The following LCN2 variants were observed in gnomAD, a reference collection of about 807,000 sequenced individuals.
LCN2 encodes the protein lipocalin 2.
In LCN2, 27 loss-of-function variants were observed where a neutral mutation model predicts 26.4. The ratio of observed to expected loss-of-function variants is 1.02; its 90% CI spans 0.76 to 1.41. LCN2 has a LOEUF of 1.41. Among genes scored for constraint, LCN2 ranks in the 40% most tolerant of loss-of-function variants. The pLI, the probability that LCN2 is intolerant of heterozygous loss-of-function variation, is 0.00. For missense variants in LCN2, 224 were observed against 237.6 expected, an observed-to-expected ratio of 0.94 and a Z score of 0.38; for synonymous variants, 94 against 98.9, an observed-to-expected ratio of 0.95 and a Z score of 0.30.
chr9:128,149,635 C>G lies in LCN2; in HGVS notation c.110C>G (p.Pro37Arg), dbSNP rs771433482. 2.5e-6 allele frequency: 4 copies of G among 1,613,880 alleles called. No homozygotes were observed. Among genetic ancestry groups the G allele is most frequent in the Non-Finnish European group, 3.4e-6 (4 of 1,179,974 alleles). The change falls in exon 1 of 7, where the codon CCT becomes CGT. Residue 37 changes from proline (P) to arginine (R), a missense_variant. By Grantham distance (103) the Pro-to-Arg change is moderately radical (BLOSUM62 -2). Transcript: ENST00000277480. ...CCAGCCCCACCTCTGAGCAAGGTCC[C>G]TCTGCAGCAGAACTTCCAGGACAAC... ...LIPAPPLSKVPLQQNFQDNQF... is the reference protein window; with the variant it reads ...LIPAPPLSKVRLQQNFQDNQF...
chr9:128,151,774 C>T, intron 3 of LCN2, 57 bp downstream of exon 3: 1 of 1,589,876 alleles, frequency 6.3e-7, no homozygotes, highest in Non-Finnish European at 8.6e-7. Flanking sequence ...TGGGTAGGGG[C>T]ACAGACCTTC....
At chr9:128,151,882 A>T (rs752177802) in intron 3 of LCN2, 24 bp from the exon 4 acceptor site, 1 of 1,613,614 alleles carries the variant, frequency 6.2e-7, no homozygotes, top group Non-Finnish European at 8.5e-7. Context: ...GGCAGGGCTG[A>T]CCCCTCACCG....
chr9:128,151,851 C>A, intron 3 of LCN2, 55 bp from the exon 4 acceptor site: 2 of 1,609,062 alleles, frequency 1.2e-6, no homozygotes, highest in Non-Finnish European at 1.7e-6. Context: ...AGGGAGGGGA[C>A]AGCTCCCTCC....
Position 128,152,266 on chromosome 9 carries a change from G to A in LCN2, c.559G>A (p.Val187Ile), listed in dbSNP as rs149368200. 2.4e-5 allele frequency: 38 copies of A among 1,613,960 alleles called. No individual in the cohort carries two copies. The East Asian group carries it at 3.8e-4, about 16-fold the overall frequency. The change falls in exon 5 of 7, where the codon GTC (valine) becomes ATC (isoleucine). Residue 187 changes from valine to isoleucine, a missense_variant. Val to Ile is a conservative substitution (Grantham distance 29). Transcript: ENST00000277480. ...TCTGGGCCTCCCTGAAAACCACATC[G>A]TCTTCCCTGTCCCAATCGGTAATGG... The part of the protein sequence containing the change: ...KSLGLPENHI[V>I]FPVPIDQCID...
chr9:128,151,518 C>A (rs947010937), intron 2 of LCN2, 120 bp from the exon 3 acceptor site: 5 of 772,646 alleles, frequency 6.5e-6, no homozygotes, highest in Non-Finnish European at 1.1e-5. Flanking sequence ...TGAGCTGTCA[C>A]GGGTTGGGCC....
rs773532605 is a variant in LCN2, at chr9:128,151,910, C to T, written c.360C>T (p.Tyr120=). ...GEFTLGNIKS[Y]PGLTSYLVRV... ...CCTCACCGTCCACGCCTGCAGGTTA[C>T]CCTGGATTAACGAGTTACCTCGTCC... is the stretch of plus-strand genomic sequence containing the variant. The change falls in exon 4 of 7, where the codon TAC becomes TAT. Residue 120 remains tyrosine, a synonymous_variant. Transcript: ENST00000277480. 7 of 1,614,096 alleles carry T rather than the reference C, an allele frequency of 4.3e-6. No homozygotes were observed. The South Asian group carries it at 5.5e-5, about 13-fold the overall frequency.
chr9:128,150,602 G>A (rs1424266621), intron 2 of LCN2: 2 of 687,626 alleles, frequency 2.9e-6, no homozygotes, highest in Admixed American at 2.0e-5. Flanking sequence ...ACGGAGAGAG[G>A]AGGGGTGCCT....
chr9:128,152,040 A>G lies in LCN2; in HGVS notation c.475+15A>G, dbSNP rs753678446. 1.8e-5 allele frequency: 29 copies of G among 1,613,896 alleles called. No homozygotes were observed. The East Asian group carries it at 4.2e-4, about 24-fold the overall frequency. On this transcript the variant is annotated intron_variant, in intron 4 of 6. Transcript: ENST00000277480. ...CACCCTCTACGGTGGGTCCTCTCCC[A>G]TCCCCTCGGGGACTGGCTCCTGATC...
At chr9:128,151,775 A>G (rs1021326745) in intron 3 of LCN2, 58 bp downstream of exon 3, 59 of 1,592,292 alleles carry the variant, frequency 3.7e-5, no homozygotes, top group Non-Finnish European at 5.0e-5. Context: ...GGGTAGGGGC[A>G]CAGACCTTCC....
In LCN2 at chr9:128,152,190, C is replaced by A. The variant is rs757442560; in HGVS notation, c.483C>A (p.Thr161=). ...TGGCCATCTTGGTCACAGGGAGAAC[C>A]AAGGAGCTGACTTCGGAACTAAAGG... ...EYFKITLYGR[T]KELTSELKEN... Residue 161 remains threonine, a synonymous_variant, in exon 5 of 7, where the codon ACC becomes ACA. Transcript: ENST00000277480. 6.2e-7 allele frequency: 1 copy of A among 1,614,110 alleles called. No individual in the cohort carries two copies. Among genetic ancestry groups the A allele is most frequent in the African/African-American group, 1.3e-5 (1 of 75,032 alleles).
Position 128,153,345 on chromosome 9 carries a change from T to G in LCN2, c.*42T>G, listed in dbSNP as rs761627411. The G allele has an allele frequency of 6.6e-6, 4 of 606,352 alleles. No individual in the cohort carries two copies. The highest frequency in any genetic ancestry group is 5.6e-5 in the South Asian group (3 of 53,478). 37.6% of individuals were successfully genotyped at this position (606,352 alleles called of 1,614,324 possible). A position where few individuals can be genotyped will look rare whatever the true frequency, so the allele number is the denominator to read the frequency against. On this transcript the variant is annotated 3_prime_UTR_variant, in exon 7 of 7. Coordinates refer to ENST00000277480, the MANE Select transcript of LCN2 (RefSeq NM_005564.5). The surrounding 1 kb of genome is among the most constrained non-coding windows in gnomAD (Gnocchi z 5.4). ...AGCTGCCGCACCAGCCCGAACACCA[T>G]TGAGGGAGCTGGGAGACCCTCCCCA...
rs779497364 is a variant in LCN2 at position 128,150,374 on chromosome 9, G to A, written c.275G>A (p.Arg92Lys). Reference sequence around the variant, plus strand: ...TACAATGTCACCTCCGTCCTGTTTAGGTGAGGGCCGACATCTCCTGGGGGT... The same window carrying A: ...TACAATGTCACCTCCGTCCTGTTTAAGTGAGGGCCGACATCTCCTGGGGGT... ...KSYNVTSVLF[R>K]KKKCDYWIRT... is the part of the protein sequence containing the mutation. Residue 92 changes from arginine to lysine, a missense_variant and splice_region_variant, in exon 2 of 7, where the codon AGG (arginine) becomes AAG (lysine). By Grantham distance (26) the Arg-to-Lys change is conservative. Transcript: ENST00000277480. 6.2e-7 allele frequency: 1 copy of A among 1,614,216 alleles called. No individual in the cohort carries two copies. The highest frequency in any genetic ancestry group is 1.1e-5 in the South Asian group (1 of 91,090).
chr9:128,153,030 T>TCACA lies in LCN2; in HGVS notation c.578-60_578-57dup, dbSNP rs370651506. On this transcript the variant is annotated intron_variant, in intron 5 of 6. Transcript: ENST00000277480. The surrounding 1 kb of genome is among the most constrained non-coding windows in gnomAD (Gnocchi z 5.4). ...GTGCAGAGGACCTGGCAGTCAGGGA[T>TCACA]CACACACACACACTCATACACGCAC... 6.3e-7 allele frequency: 1 copy of TCACA among 1,592,666 alleles called. No homozygotes were observed. Among genetic ancestry groups the TCACA allele is most frequent in the African/African-American group, 1.3e-5 (1 of 74,086 alleles).
In LCN2 at chr9:128,152,217, G is replaced by T; in HGVS notation, c.510G>T (p.Glu170Asp). Residue 170 changes from glutamate to aspartate, a missense_variant, in exon 5 of 7, where the codon GAG (glutamate) becomes GAT (aspartate). Coordinates refer to ENST00000277480, the MANE Select transcript of LCN2 (RefSeq NM_005564.5). ...RTKELTSELKENFIRFSKSLG... is the reference protein window; with the variant it reads ...RTKELTSELKDNFIRFSKSLG... ...AGGAGCTGACTTCGGAACTAAAGGA[G>T]AACTTCATCCGCTTCTCCAAATCTC... 1 of 1,614,112 alleles carries T rather than the reference G, an allele frequency of 6.2e-7. No homozygotes were observed.
At position 128,150,369 on chromosome 9, in the gene LCN2, G is replaced by A. The variant is rs1834994362; in HGVS notation, c.270G>A (p.Leu90=). The part of the protein sequence containing the change: ...EDKSYNVTSV[L]FRKKKCDYWI... Reference sequence around the variant, plus strand: ...AGAGCTACAATGTCACCTCCGTCCTGTTTAGGTGAGGGCCGACATCTCCTG... The same window carrying A: ...AGAGCTACAATGTCACCTCCGTCCTATTTAGGTGAGGGCCGACATCTCCTG... The change falls in exon 2 of 7, where the codon CTG becomes CTA. Residue 90 remains leucine (L), a synonymous_variant. Transcript: ENST00000277480. 12 of 1,614,094 alleles carry A rather than the reference G, an allele frequency of 7.4e-6. No homozygotes were observed. Among genetic ancestry groups the A allele is most frequent in the East Asian group, 2.2e-5 (1 of 44,886 alleles).
intron 5 of LCN2, 165 bp downstream of exon 5, chr9:128,152,449 G>C (rs557780284): frequency 7.2e-5 from 46 of 643,194 alleles, no homozygotes; most frequent in Admixed American, 3.4e-4. Flanking sequence ...CAGGAAGACT[G>C]TGCCCCACCC....
Position 128,153,217 on chromosome 9 carries a change from G to GC in LCN2, c.*8-88dup. On this transcript the variant is annotated intron_variant, in intron 6 of 6. Transcript: ENST00000277480. The surrounding 1 kb of genome is among the most constrained non-coding windows in gnomAD (Gnocchi z 5.4). ...TGGGCCTGCCTTTGCTCATCCCCCT[G>GC]CCCCCCAGCACTGCTGCTGTCTTTA... 4.1e-6 allele frequency: 6 copies of GC among 1,467,440 alleles called. No homozygotes were observed. Among genetic ancestry groups the GC allele is most frequent in the Non-Finnish European group, 4.8e-6 (5 of 1,051,812 alleles). 90.9% of individuals were successfully genotyped at this position (1,467,440 alleles called of 1,614,324 possible). A position where few individuals can be genotyped will look rare whatever the true frequency, so the allele number is the denominator to read the frequency against.
intron 1 of LCN2, 33 bp downstream of exon 1, chr9:128,149,696 G>T: frequency 1.2e-6 from 2 of 1,612,418 alleles, no homozygotes; most frequent in East Asian, 2.2e-5. Context: ...TGCAGGCAGG[G>T]CCTGGGGAAG....
intron 2 of LCN2, chr9:128,150,698 G>C (rs1834998075): frequency 1.9e-6 from 1 of 514,900 alleles, no homozygotes; most frequent in South Asian, 1.5e-5. Context: ...GGCCTTAAAA[G>C]AGCCAACCTG....
Sources: allele counts gnomAD v4.1 joint callset, GRCh38; gene constraint gnomAD v4.1.1; non-coding constraint Gnocchi (gnomAD v3.1); transcripts MANE v1.5; gene names NCBI Gene and HGNC (gene_info 2026-07-23, HGNC 2026-07-21).